Variants in GOLGA8K observed in about 807,000 individuals in gnomAD.
GOLGA8K encodes golgin A8 family member K, also known as golgin subfamily A member 8K.
A neutral mutation model predicts 75.2 loss-of-function variants in GOLGA8K; 12 were observed. The observed-to-expected ratio is 0.16, with a 90% confidence interval of 0.10 to 0.26. GOLGA8K has a LOEUF of 0.26. GOLGA8K is among the 10% of genes least tolerant of loss of function. GOLGA8K has a pLI of 1.00. For synonymous variants in GOLGA8K, 48 were observed against 236.6 expected (o/e 0.20, Z 7.32); for missense variants, 109 against 640.8 (o/e 0.17, Z 8.96).
chr15:32,398,163 TACACAC>T (rs751814239), intron 8 of GOLGA8K, among the ~76,000 whole-genome samples: 33 of 123,980 alleles, frequency 2.7e-4, no homozygotes, highest in East Asian at 1.3e-3. Flanking sequence ...TCACAGTATG[TACACAC>T]ACACACACAC....
chr15:32,401,146 C>T (rs2140288366), intron 2 of GOLGA8K, among the ~76,000 whole-genome samples: 1 of 134,240 alleles, frequency 7.4e-6, no homozygotes, highest in Non-Finnish European at 1.6e-5. Flanking sequence ...CAGGGTTTCA[C>T]CGTGTTAACC....
In GOLGA8K at chr15:32,396,408, T is replaced by C. The variant is rs376624829; in HGVS notation, c.1010A>G (p.Gln337Arg). The change falls in exon 12 of 19, where the codon CAG becomes CGG. Residue 337 changes from glutamine (Q) to arginine (R), a missense_variant. By Grantham distance (43) the Gln-to-Arg change is conservative. Transcript: ENST00000512626. ...CTCCTGAATCCTCTCTTCTTGTCGC[T>C]GGTTCAGGAGACTTATGCGCTGATT... ...KKNQRISLLNQRQEERIQEQE... is the reference protein window; with the variant it reads ...KKNQRISLLNRRQEERIQEQE... The C allele has an allele frequency of 3.1e-5, 43 of 1,403,524 alleles. No homozygotes were observed. The highest frequency in any genetic ancestry group is 1.1e-4 in the Admixed American group (5 of 45,286). 86.9% of individuals were successfully genotyped at this position (1,403,524 alleles called of 1,614,324 possible).
intron 13 of GOLGA8K, 116 bp downstream of exon 13, chr15:32,395,847 G>A: frequency 2.0e-6 from 3 of 1,517,268 alleles, no homozygotes; most frequent in Non-Finnish European, 1.8e-6. Context: ...GGGGGGTGCT[G>A]TGGTCACCAG....
At chr15:32,395,579 T>C (rs1264652461) in intron 13 of GOLGA8K, among the ~76,000 whole-genome samples, 1 of 146,058 alleles carries the variant, frequency 6.8e-6, no homozygotes, top group Non-Finnish European at 1.5e-5. Flanking sequence ...TTAGTAGAGA[T>C]GAGGTTTTAC....
chr15:32,401,670 C>A (rs1483165512), intron 1 of GOLGA8K, among the ~76,000 whole-genome samples, 195 bp from the exon 2 acceptor site: 2 of 84,318 alleles, frequency 2.4e-5, no homozygotes, highest in East Asian at 6.0e-4. Context: ...AAGAAAAAGG[C>A]AATACTGGAA....
chr15:32,394,973 G>C (rs866386332), intron 13 of GOLGA8K, among the ~76,000 whole-genome samples: 19 of 150,024 alleles, frequency 1.3e-4, no homozygotes, highest in African/African-American at 4.1e-4. Context: ...AGGTGGCCAC[G>C]TACTGCTGCA....
At chr15:32,395,938 G>A (rs915419084) in intron 13 of GOLGA8K, 25 bp downstream of exon 13, 1 of 1,404,390 alleles carries the variant, frequency 7.1e-7, no homozygotes, top group East Asian at 2.5e-5. Context: ...TTCTTGGATG[G>A]GGTGGAGGTT....
rs2054532054 is a variant in GOLGA8K at position 32,391,169 on chromosome 15, GCAT to G, written c.*1610_*1612del. Among the ~76,000 whole-genome samples, 1 of 46,834 alleles carries G rather than the reference GCAT, an allele frequency of 2.1e-5. No homozygotes were observed. The highest frequency in any genetic ancestry group is 5.6e-5 in the African/African-American group (1 of 17,782). 30.7% of individuals were successfully genotyped at this position (46,834 alleles called of 152,430 possible). On this transcript the variant is annotated 3_prime_UTR_variant, in exon 19 of 19. Coordinates refer to ENST00000512626, the MANE Select transcript of GOLGA8K (RefSeq NM_001282493.2). Reference sequence around the variant, plus strand: ...GTTTTAACTGTTGAGTCTTTCCCAAGCATCATCAAGTTACGATTTAGGCAATAT... The same window carrying G: ...GTTTTAACTGTTGAGTCTTTCCCAAGCATCAAGTTACGATTTAGGCAATAT...
chr15:32,393,427 C>G lies in GOLGA8K; in HGVS notation c.1464-37G>C, dbSNP rs552397579. 2,089 of 1,096,830 alleles carry G rather than the reference C, an allele frequency of 1.9e-3. 597 individuals are homozygous for G. The South Asian group carries it at 0.02, about 10-fold the overall frequency. 67.9% of individuals were successfully genotyped at this position (1,096,830 alleles called of 1,614,324 possible). A position where few individuals can be genotyped will look rare whatever the true frequency, so the allele number is the denominator to read the frequency against. ...CAGGGCTCAGACGCTGGGGCCCCTC[C>G]GACGGCCCTGTAGCTCCCCCTGCTG... On this transcript the variant is annotated intron_variant, in intron 16 of 18. Coordinates refer to ENST00000512626, the MANE Select transcript of GOLGA8K (RefSeq NM_001282493.2).
At chr15:32,401,182 A>C (rs1396271321) in intron 2 of GOLGA8K, among the ~76,000 whole-genome samples, 174 bp downstream of exon 2, 1 of 123,204 alleles carries the variant, frequency 8.1e-6, no homozygotes, top group Non-Finnish European at 1.7e-5. Context: ...TCCTGACCTC[A>C]TGATCCGCCT....
At chr15:32,394,975 A>ACTG (rs1373643129) in intron 13 of GOLGA8K, among the ~76,000 whole-genome samples, 1 of 149,968 alleles carries the variant, frequency 6.7e-6, no homozygotes, top group Non-Finnish European at 1.5e-5. Context: ...GTGGCCACGT[A>ACTG]CTGCTGCAGG....
chr15:32,397,372 C>T lies in GOLGA8K; in HGVS notation c.678+45G>A, dbSNP rs1295418045. 6.4e-6 allele frequency: 7 copies of T among 1,099,994 alleles called. No homozygotes were observed. The South Asian group carries it at 6.5e-5, about 10-fold the overall frequency. The allele number at this position is 1,099,994 out of a possible 1,614,324, so 68.1% of individuals were successfully genotyped here. ...ACTGGTCCTCACCTGCTCCTGGCCACCTGGGGTCATCTTCCTTCCACATAA... is the reference window on the plus strand; with the variant it reads ...ACTGGTCCTCACCTGCTCCTGGCCATCTGGGGTCATCTTCCTTCCACATAA... On this transcript the variant is annotated intron_variant, in intron 9 of 18. Coordinates refer to ENST00000512626, the MANE Select transcript of GOLGA8K (RefSeq NM_001282493.2).
chr15:32,395,738 C>A (rs924220102), intron 13 of GOLGA8K, among the ~76,000 whole-genome samples: 3 of 147,126 alleles, frequency 2.0e-5, no homozygotes, highest in African/African-American at 7.5e-5. Flanking sequence ...TTGGGGGCTC[C>A]ATGCCTCTAG....
intron 2 of GOLGA8K, among the ~76,000 whole-genome samples, chr15:32,401,155 C>A (rs1231391036): frequency 7.6e-6 from 1 of 132,240 alleles, no homozygotes; most frequent in East Asian, 2.2e-4. Context: ...ACCGTGTTAA[C>A]CAGGATGGTC....
In GOLGA8K at chr15:32,394,749, C is replaced by T. The variant is rs2054585657; in HGVS notation, c.1201-9G>A. 1 of 1,539,122 alleles carries T rather than the reference C, an allele frequency of 6.5e-7. No individual in the cohort carries two copies. The highest frequency in any genetic ancestry group is 1.4e-5 in the African/African-American group (1 of 70,416). On this transcript the variant is annotated splice_polypyrimidine_tract_variant and intron_variant, in intron 13 of 18. Transcript: ENST00000512626. ...GCCGCTTCCAGGTGCTCCTGAGGGG[C>T]CAGGACAGAGTGAGAAGGGGTGGAG...
At chr15:32,393,451 T>G in intron 16 of GOLGA8K, 22 bp downstream of exon 16, 1 of 1,041,734 alleles carries the variant, frequency 9.6e-7, no homozygotes, top group Non-Finnish European at 1.2e-6. Flanking sequence ...CTCCCCCTGC[T>G]GTGCCCTGGC....
chr15:32,395,857 G>T, intron 13 of GOLGA8K, 106 bp downstream of exon 13: 1 of 1,530,982 alleles, frequency 6.5e-7, no homozygotes, highest in Non-Finnish European at 8.8e-7. Context: ...GTGGTCACCA[G>T]CCCCCAGGCT....
chr15:32,397,611 G>C, intron 8 of GOLGA8K, 108 bp from the exon 9 acceptor site: 1 of 1,391,886 alleles, frequency 7.2e-7, no homozygotes, highest in Non-Finnish European at 1.0e-6. Context: ...GGTCAGTAAA[G>C]ATCAAGGCAT....
At chr15:32,395,238 C>G (rs1351421260) in intron 13 of GOLGA8K, among the ~76,000 whole-genome samples, 1 of 130,030 alleles carries the variant, frequency 7.7e-6, no homozygotes, top group Non-Finnish European at 1.7e-5. Context: ...ATCTCATACC[C>G]TCTTCTCATT....
Sources: gnomAD v4.1 joint callset for allele counts (sites outside exome capture counted in the v4.1 genomes callset) on GRCh38, gnomAD v4.1.1 for gene constraint, MANE v1.5 for transcripts, NCBI Gene and HGNC (gene_info 2026-07-23, HGNC 2026-07-21) for gene names.